The following RPAP2 variants were observed in gnomAD, a reference collection of about 807,000 sequenced individuals.
RPAP2 encodes putative RNA polymerase II subunit B1 CTD phosphatase RPAP2.
RPAP2 carries 52 observed loss-of-function variants against 73.1 expected under a neutral mutation model. That is an observed-to-expected ratio of 0.71 (90% CI 0.57 to 0.90). The LOEUF is 0.90. Among genes scored for constraint, RPAP2 ranks in the 40% least tolerant of loss-of-function variants. RPAP2 has a pLI of 0.00. For synonymous variants in RPAP2, 225 were observed against 242.1 expected (o/e 0.93, Z 0.65); for missense variants, 598 against 701.8 (o/e 0.85, Z 1.67).
At chr1:92,331,121 T>C (rs190735703) in intron 8 of RPAP2, among the ~76,000 whole-genome samples, 1 of 152,340 alleles carries the variant, frequency 6.6e-6, no homozygotes, top group Admixed American at 6.5e-5. Context: ...ATTTTACTTT[T>C]TGAGACCATG....
chr1:92,334,034 A>G (rs942688426), intron 9 of RPAP2, among the ~76,000 whole-genome samples: 1 of 152,208 alleles, frequency 6.6e-6, no homozygotes, highest in South Asian at 2.1e-4. Flanking sequence ...TTTTTCTTTC[A>G]AAAAGAACTT....
At position 92,365,897 on chromosome 1, in the gene RPAP2, T is replaced by C. The variant is rs546638589; in HGVS notation, c.1689-14827T>C. Reference sequence around the variant, plus strand: ...GGTTATTTGTTCATCTTTTACTGACTTACATGACCTTAAGAAAGTCACTTG... The same window carrying C: ...GGTTATTTGTTCATCTTTTACTGACCTACATGACCTTAAGAAAGTCACTTG... On this transcript the variant is annotated intron_variant, in intron 11 of 12. Coordinates refer to ENST00000610020, the MANE Select transcript of RPAP2 (RefSeq NM_024813.3). 2.0e-5 allele frequency among the ~76,000 whole-genome samples: 3 copies of C among 152,302 alleles called. No individual in the cohort carries two copies. In the East Asian group the frequency reaches 5.8e-4, roughly 29 times the overall value.
chr1:92,382,826 G>A (rs566144834), intron 12 of RPAP2, among the ~76,000 whole-genome samples: 1 of 152,190 alleles, frequency 6.6e-6, no homozygotes, highest in African/African-American at 2.4e-5. Context: ...TGGTGTTTTA[G>A]ACATGAAGTC....
In RPAP2 at chr1:92,392,937, A is replaced by C. The variant is rs1656092807; in HGVS notation, c.*5926A>C. Reference sequence around the variant, plus strand: ...GATTTATAGATTCAATGCTATCCCCATCAAGCTACCACTAACTTTCTTCAC... The same window carrying C: ...GATTTATAGATTCAATGCTATCCCCCTCAAGCTACCACTAACTTTCTTCAC... On this transcript the variant is annotated 3_prime_UTR_variant, in exon 13 of 13. Transcript: ENST00000610020. The C allele has an allele frequency of 6.6e-6, 1 of 152,200 alleles. No homozygotes were observed. The highest frequency in any genetic ancestry group is 1.5e-5 in the Non-Finnish European group (1 of 68,040). 9.4% of individuals were successfully genotyped at this position (152,200 alleles called of 1,614,324 possible).
Position 92,324,007 on chromosome 1 carries a change from A to C in RPAP2, c.1087A>C (p.Lys363Gln). The C allele has an allele frequency of 1.2e-6, 2 of 1,614,030 alleles. No homozygotes were observed. Among genetic ancestry groups the C allele is most frequent in the Non-Finnish European group, 8.5e-7 (1 of 1,179,980 alleles). ...AGTGCAGGTGTGTCCTGAAGTTGGA[A>C]AGAGAAACTTACTTAAAGTTTTGAA... ...SSVQVCPEVG[K>Q]RNLLKVLKET... is the part of the protein sequence containing the mutation. Residue 363 changes from lysine (K) to glutamine (Q), a missense_variant, in exon 8 of 13, where the codon AAG (lysine) becomes CAG (glutamine). This residue lies in a region of RPAP2 where 506 missense variants were observed against 612.8 expected (regional missense o/e 0.83). Transcript: ENST00000610020.
At chr1:92,299,189 G>A (rs1650584045) in intron 1 of RPAP2, 43 bp downstream of exon 1, 2 of 1,271,124 alleles carry the variant, frequency 1.6e-6, no homozygotes, top group East Asian at 2.9e-5. Context: ...CCTGAAAGCT[G>A]GGCCCCGATC....
chr1:92,338,218 T>G (rs1653385397), intron 10 of RPAP2, among the ~76,000 whole-genome samples: 2 of 152,206 alleles, frequency 1.3e-5, no homozygotes, highest in South Asian at 4.1e-4. Flanking sequence ...ATGATATGAT[T>G]GTTCTAATTA....
At chr1:92,309,572 TATACATATACATAC>T (rs1557591805) in intron 6 of RPAP2, among the ~76,000 whole-genome samples, 5 of 24,482 alleles carry the variant, frequency 2.0e-4, no homozygotes, top group East Asian at 7.7e-3. Flanking sequence ...CACATACACA[TATACATATACATAC>T]ACATACACAT....
In RPAP2 at chr1:92,313,026, C is replaced by T. The variant is rs188507106; in HGVS notation, c.488+5750C>T. Among the ~76,000 whole-genome samples, 161 of 152,178 alleles carry T rather than the reference C, an allele frequency of 1.1e-3. 1 individual carries two copies. The highest frequency in any genetic ancestry group is 1.4e-3 in the East Asian group (7 of 5,162). On this transcript the variant is annotated intron_variant, in intron 6 of 12. Coordinates refer to ENST00000610020, the MANE Select transcript of RPAP2 (RefSeq NM_024813.3). ...GACCACAGGCATGCGCCACCACACCCGGCTTATTTTTGTATTTTTAGTAGA... is the reference window on the plus strand; with the variant it reads ...GACCACAGGCATGCGCCACCACACCTGGCTTATTTTTGTATTTTTAGTAGA...
chr1:92,299,191 G>A, intron 1 of RPAP2, 45 bp downstream of exon 1: 4 of 1,254,210 alleles, frequency 3.2e-6, no homozygotes, highest in Non-Finnish European at 4.4e-6. Flanking sequence ...TGAAAGCTGG[G>A]CCCCGATCTC....
At chr1:92,300,130 C>G in intron 1 of RPAP2, 64 bp from the exon 2 acceptor site, 1 of 1,109,260 alleles carries the variant, frequency 9.0e-7, no homozygotes, top group Non-Finnish European at 1.4e-6. Flanking sequence ...AGACCGCTGT[C>G]TGTATGCTGT....
rs902592586 is a variant in RPAP2 at position 92,391,956 on chromosome 1, A to T, written c.*4945A>T. On this transcript the variant is annotated 3_prime_UTR_variant, in exon 13 of 13. Transcript: ENST00000610020. The stretch of plus-strand genomic sequence containing the variant: ...CACAGCCAAATTCTACGAAAGGTAC[A>T]AAGAGGTGCTGGTACCATTCCTTCT... 15 of 152,240 alleles carry T rather than the reference A, an allele frequency of 9.9e-5. No individual in the cohort carries two copies. The highest frequency in any genetic ancestry group is 3.6e-4 in the African/African-American group (15 of 41,462). The allele number at this position is 152,240 out of a possible 1,614,324, so 9.4% of individuals were successfully genotyped here.
intron 11 of RPAP2, among the ~76,000 whole-genome samples, chr1:92,375,270 A>G (rs890799707): frequency 7.2e-5 from 11 of 152,250 alleles, no homozygotes; most frequent in Non-Finnish European, 1.2e-4. Flanking sequence ...CTATTACAGT[A>G]TTTATTCATG....
chr1:92,336,619 G>A (rs182448426), intron 10 of RPAP2, among the ~76,000 whole-genome samples, 192 bp downstream of exon 10: 13 of 152,206 alleles, frequency 8.5e-5, no homozygotes, highest in African/African-American at 3.1e-4. Flanking sequence ...ATTTGCTCAA[G>A]CCATTATATA....
intron 11 of RPAP2, among the ~76,000 whole-genome samples, chr1:92,349,471 GA>G (rs1004525692): frequency 5.3e-5 from 8 of 152,012 alleles, no homozygotes; most frequent in Admixed American, 1.3e-4. Flanking sequence ...GTTAAAGGGG[GA>G]AAAAAATCAA....
At chr1:92,366,445 GGCCCA>G (rs1349793978) in intron 11 of RPAP2, among the ~76,000 whole-genome samples, 1 of 152,146 alleles carries the variant, frequency 6.6e-6, no homozygotes, top group Non-Finnish European at 1.5e-5. Context: ...CTATGCATGT[GGCCCA>G]GTCCATGTTA....
chr1:92,335,167 G>A (rs903124044), intron 9 of RPAP2, among the ~76,000 whole-genome samples: 8 of 151,756 alleles, frequency 5.3e-5, no homozygotes, highest in Admixed American at 4.6e-4. Flanking sequence ...ACTGTATGAG[G>A]GTTCCCTTTT....
chr1:92,368,358 G>A (rs1351122854), intron 11 of RPAP2, among the ~76,000 whole-genome samples: 2 of 152,066 alleles, frequency 1.3e-5, no homozygotes, highest in African/African-American at 2.4e-5. Flanking sequence ...TAGCCTGGGC[G>A]ACAGAGCAAG....
At chr1:92,302,590 A>ACTTTTTTT (rs1650931341) in intron 3 of RPAP2, among the ~76,000 whole-genome samples, 1 of 74,316 alleles carries the variant, frequency 1.3e-5, no homozygotes, top group Non-Finnish European at 2.3e-5. Context: ...TCCGCATTAA[A>ACTTTTTTT]TTTTTTTTTT....
Sources: allele counts gnomAD v4.1 joint callset (sites outside exome capture counted in the v4.1 genomes callset), GRCh38; gene constraint gnomAD v4.1.1; regional missense constraint gnomAD v4.1.1; transcripts MANE v1.5; gene names NCBI Gene and HGNC (gene_info 2026-07-23, HGNC 2026-07-21).